The following NPIPB15 variants were observed in gnomAD, a reference collection of about 807,000 sequenced individuals.
The protein encoded by NPIPB15 is nuclear pore complex-interacting protein family member B15.
Under a neutral mutation model 35.9 loss-of-function variants are expected in NPIPB15, and 5 were observed. The ratio of observed to expected loss-of-function variants is 0.14; its 90% CI spans 0.07 to 0.29. NPIPB15 has a LOEUF of 0.29. Among genes scored for constraint, NPIPB15 ranks in the 10% least tolerant of loss-of-function variants. The pLI, the probability that NPIPB15 is intolerant of heterozygous loss-of-function variation, is 1.00. For missense variants in NPIPB15, 100 were observed against 506.1 expected, an observed-to-expected ratio of 0.20 and a Z score of 7.70; for synonymous variants, 43 against 182.0, an observed-to-expected ratio of 0.24 and a Z score of 6.15.
Position 74,391,632 on chromosome 16 carries a change from A to T in NPIPB15, c.884A>T (p.Asp295Val). The change falls in exon 8 of 8, where the codon GAT (aspartate) becomes GTT (valine). Residue 295 changes from aspartate to valine, a missense_variant. Coordinates refer to ENST00000692376, the MANE Select transcript of NPIPB15 (RefSeq NM_001306094.2). ...CPLAPLPPSV[D>V]DNLKEYLLVP... is the part of the protein sequence containing the mutation. ...CTTGCTCCTCTTCCACCCTCAGTGG[A>T]TGATAATCTGAAGGAGTATCTCCTG... 1 of 1,598,348 alleles carries T rather than the reference A, an allele frequency of 6.3e-7. No individual in the cohort carries two copies.
In NPIPB15 at chr16:74,376,702, G is replaced by A. The variant is rs1164273893; in HGVS notation, c.-667G>A. Among the ~76,000 whole-genome samples the A allele has an allele frequency of 2.0e-5, 3 of 152,072 alleles. No homozygotes were observed. The highest frequency in any genetic ancestry group is 4.4e-5 in the Non-Finnish European group (3 of 68,028). On this transcript the variant is annotated 5_prime_UTR_variant, in exon 1 of 8. Coordinates refer to ENST00000692376, the MANE Select transcript of NPIPB15 (RefSeq NM_001306094.2). ...TCGGTTTCAGATGTTAAAATGTCTA[G>A]GTGGGTTAGGGGTGATTTGAGATCA...
Position 74,391,415 on chromosome 16 carries a change from C to T in NPIPB15, c.667C>T (p.Arg223Cys), listed in dbSNP as rs375786148. The stretch of plus-strand genomic sequence containing the variant: ...GGTCAGAATGGCGGCAGCGGAGCAT[C>T]GTCATTCTTCAGGATTGCCCTGCTG... ...NWVRMAAAEH[R>C]HSSGLPCWPY... Residue 223 changes from arginine to cysteine, a missense_variant, in exon 8 of 8, where the codon CGT (arginine) becomes TGT (cysteine). Arg to Cys is a radical substitution (Grantham distance 180). Transcript: ENST00000692376. 74 of 1,607,898 alleles carry T rather than the reference C, an allele frequency of 4.6e-5. No homozygotes were observed. Among genetic ancestry groups the T allele is most frequent in the Admixed American group, 3.3e-4 (20 of 59,976 alleles).
At chr16:74,384,994 TGTGTGTGTGTGTGTGTGTGTGTG>T (rs2012192052) in intron 3 of NPIPB15, among the ~76,000 whole-genome samples, 1 of 24,272 alleles carries the variant, frequency 4.1e-5, no homozygotes, top group Admixed American at 4.1e-4. Flanking sequence ...GTCATTCTTG[TGTGTGTGTGTGTGTGTGTGTGTG>T]TGTGTGTGTG....
intron 2 of NPIPB15, among the ~76,000 whole-genome samples, chr16:74,381,128 G>C (rs901011568): frequency 1.4e-5 from 2 of 137,976 alleles, no homozygotes; most frequent in East Asian, 2.2e-4. Context: ...GGGCGACTGA[G>C]TGGAGCGGAA....
chr16:74,389,998 C>A lies in NPIPB15; in HGVS notation c.610C>A (p.Pro204Thr), dbSNP rs1195205160. 3 of 1,597,060 alleles carry A rather than the reference C, an allele frequency of 1.9e-6. No homozygotes were observed. Among genetic ancestry groups the A allele is most frequent in the Non-Finnish European group, 8.5e-7 (1 of 1,179,758 alleles). ...TCTCATGTGTTGGCTTTTTCAGATC[C>A]CCCCTTCTGCAAGAAAGCCTCTTTG... ...RAEDYHKCKI[P>T]PSARKPLCNW... The change falls in exon 7 of 8, where the codon CCC becomes ACC. Residue 204 changes from proline to threonine, a missense_variant. Pro to Thr is a conservative substitution (Grantham distance 38). Coordinates refer to ENST00000692376, the MANE Select transcript of NPIPB15 (RefSeq NM_001306094.2).
At position 74,381,695 on chromosome 16, in the gene NPIPB15, TTGTG is replaced by T. The variant is rs2012006386; in HGVS notation, c.249_249+3del. 1 of 1,592,382 alleles carries T rather than the reference TTGTG, an allele frequency of 6.3e-7. No homozygotes were observed. The highest frequency in any genetic ancestry group is 8.5e-7 in the Non-Finnish European group (1 of 1,175,980). On this transcript the variant is annotated splice_donor_variant and coding_sequence_variant, in exon 3 of 8. Transcript: ENST00000692376. LOFTEE classifies it high-confidence loss of function. ...CCATTCTCTTCTGCACAAGTTACCT[TTGTG>T]TGAGTATACTAACTTTCTGTAGAGG...
At position 74,391,660 on chromosome 16, in the gene NPIPB15, C is replaced by CCCTCTTCCACCCTCT. The variant is rs59612184; in HGVS notation, c.927_941dup (p.Pro310_Ser314dup). ...ATAATCTGAAGGAGTATCTCCTGGT[C>CCCTCTTCCACCCTCT]CCTCTTCCACCCTCTCCTCTTCCAC... On this transcript the variant is annotated inframe_insertion, in exon 8 of 8. Transcript: ENST00000692376. 9,217 of 1,552,902 alleles carry CCCTCTTCCACCCTCT rather than the reference C, an allele frequency of 5.9e-3. No individual in the cohort carries two copies. In the African/African-American group the frequency reaches 0.15, roughly 26 times the overall value.
intron 5 of NPIPB15, among the ~76,000 whole-genome samples, chr16:74,389,309 G>A (rs1439658014): frequency 6.6e-6 from 1 of 151,042 alleles, no homozygotes; most frequent in Non-Finnish European, 1.5e-5. Flanking sequence ...GAAGTCAGCA[G>A]GCAGTAAGCA....
At chr16:74,379,442 G>A (rs1470981221) in intron 2 of NPIPB15, among the ~76,000 whole-genome samples, 1 of 152,248 alleles carries the variant, frequency 6.6e-6, no homozygotes, top group Admixed American at 6.5e-5. Flanking sequence ...AGGAATCGAT[G>A]TAGAAATGTT....
chr16:74,378,325 G>A (rs1177721411), intron 2 of NPIPB15, among the ~76,000 whole-genome samples: 2 of 150,520 alleles, frequency 1.3e-5, no homozygotes, highest in Non-Finnish European at 3.0e-5. Context: ...GGACGTTGCA[G>A]TGAGCTGAGA....
rs1186582416 is a variant in NPIPB15, at chr16:74,384,668, A to ATTTTTTTTT, written c.250-653_250-645dup. ...AGGCGTGAGCTACCGCACCTGGCCTATTTTTTTTTTTTTTTTTTTTTTTTT... is the reference window on the plus strand; with the variant it reads ...AGGCGTGAGCTACCGCACCTGGCCTATTTTTTTTTTTTTTTTTTTTTTTTTTTTTTTTTT... On this transcript the variant is annotated intron_variant, in intron 3 of 7. Coordinates refer to ENST00000692376, the MANE Select transcript of NPIPB15 (RefSeq NM_001306094.2). Among the ~76,000 whole-genome samples, 29 of 61,588 alleles carry ATTTTTTTTT rather than the reference A, an allele frequency of 4.7e-4. 3 individuals carry two copies. The highest frequency in any genetic ancestry group is 5.7e-4 in the Non-Finnish European group (19 of 33,514). The allele number at this position is 61,588 out of a possible 152,430, so 40.4% of individuals were successfully genotyped here.
intron 2 of NPIPB15, among the ~76,000 whole-genome samples, chr16:74,379,199 G>A (rs1332968609): frequency 2.6e-5 from 4 of 152,322 alleles, no homozygotes; most frequent in East Asian, 1.9e-4. Context: ...GGAATTTCGC[G>A]TATACAGATG....
At position 74,376,416 on chromosome 16, in the gene NPIPB15, T is replaced by G. The variant is rs2011668815; in HGVS notation, c.-953T>G. Among the ~76,000 whole-genome samples, 1 of 151,176 alleles carries G rather than the reference T, an allele frequency of 6.6e-6. No homozygotes were observed. Among genetic ancestry groups the G allele is most frequent in the Non-Finnish European group, 1.5e-5 (1 of 67,914 alleles). Reference sequence around the variant, plus strand: ...GATGGACAGTGGGGGTCTGTCCTGGTCACCAGACCCCTGGGTCCTGCCCAC... The same window carrying G: ...GATGGACAGTGGGGGTCTGTCCTGGGCACCAGACCCCTGGGTCCTGCCCAC... On this transcript the variant is annotated 5_prime_UTR_variant, in exon 1 of 8. Coordinates refer to ENST00000692376, the MANE Select transcript of NPIPB15 (RefSeq NM_001306094.2).
chr16:74,389,668 G>A (rs1289169042), intron 5 of NPIPB15, among the ~76,000 whole-genome samples, 157 bp from the exon 6 acceptor site: 8 of 108,156 alleles, frequency 7.4e-5, no homozygotes, highest in Admixed American at 2.4e-4. Context: ...CACCGTGACC[G>A]GCTCAGACTG....
At chr16:74,379,355 C>T (rs1294976716) in intron 2 of NPIPB15, among the ~76,000 whole-genome samples, 2 of 152,192 alleles carry the variant, frequency 1.3e-5, no homozygotes, top group East Asian at 3.8e-4. Context: ...TGTTGAAGGG[C>T]TATCTCTGTT....
chr16:74,382,705 A>G (rs1296016977), intron 3 of NPIPB15, among the ~76,000 whole-genome samples: 1 of 152,242 alleles, frequency 6.6e-6, no homozygotes, highest in Non-Finnish European at 1.5e-5. Context: ...AAGTACTAAT[A>G]CCACAATGCT....
chr16:74,376,577 A>G lies in NPIPB15; in HGVS notation c.-792A>G, dbSNP rs1224271038. ...TTCCTTGGACGTCCCTGAGAGGTCA[A>G]TGATGAAGGTCAACTTGGTTTTCTC... On this transcript the variant is annotated 5_prime_UTR_variant, in exon 1 of 8. It removes an upstream start codon present in the reference 5' UTR. Coordinates refer to ENST00000692376, the MANE Select transcript of NPIPB15 (RefSeq NM_001306094.2). Among the ~76,000 whole-genome samples, 1 of 151,416 alleles carries G rather than the reference A, an allele frequency of 6.6e-6. No homozygotes were observed. The highest frequency in any genetic ancestry group is 1.5e-5 in the Non-Finnish European group (1 of 67,942).
rs1356167282 is a variant in NPIPB15 at position 74,391,546 on chromosome 16, T to C, written c.798T>C (p.Pro266=). ...ITDNSLSLKT[P]PECLLHPLPP... ...ATAACTCCCTGAGCCTCAAGACACC[T>C]CCCGAATGTCTCCTTCATCCCCTTC... Residue 266 remains proline (P), a synonymous_variant, in exon 8 of 8, where the codon CCT becomes CCC. Coordinates refer to ENST00000692376, the MANE Select transcript of NPIPB15 (RefSeq NM_001306094.2). 6.2e-7 allele frequency: 1 copy of C among 1,613,954 alleles called. No homozygotes were observed. The highest frequency in any genetic ancestry group is 1.3e-5 in the African/African-American group (1 of 74,960).
In NPIPB15 at chr16:74,388,774, A is replaced by T. The variant is rs1597159998; in HGVS notation, c.546-1051A>T. The T allele has an allele frequency of 2.1e-6, 2 of 964,114 alleles. 1 individual carries two copies. Among genetic ancestry groups the T allele is most frequent in the Non-Finnish European group, 2.5e-6 (2 of 814,452 alleles). The allele number at this position is 964,114 out of a possible 1,614,324, so 59.7% of individuals were successfully genotyped here. A position where few individuals can be genotyped will look rare whatever the true frequency, so the allele number is the denominator to read the frequency against. On this transcript the variant is annotated intron_variant, in intron 5 of 7. Coordinates refer to ENST00000692376, the MANE Select transcript of NPIPB15 (RefSeq NM_001306094.2). Reference sequence around the variant, plus strand: ...GAGAGGCAGGTATCAGAGGCAGAGGAAAATGGGAAATTGGATATGAAAGAA... The same window carrying T: ...GAGAGGCAGGTATCAGAGGCAGAGGTAAATGGGAAATTGGATATGAAAGAA...
Sources: allele counts gnomAD v4.1 joint callset (sites outside exome capture counted in the v4.1 genomes callset), GRCh38; gene constraint gnomAD v4.1.1; transcripts MANE v1.5; gene names NCBI Gene and HGNC (gene_info 2026-07-23, HGNC 2026-07-21).